PGBD2: variants seen among roughly 807,000 people sequenced by gnomAD.
PGBD2 encodes the protein piggyBac transposable element-derived protein 2.
PGBD2 carries 6 observed loss-of-function variants against 8.1 expected under a neutral mutation model. The observed-to-expected ratio is 0.74, with a 90% CI of 0.40 to 1.46. The LOEUF is 1.46. PGBD2 is among the 40% of genes most tolerant of loss of function. The pLI, the probability that PGBD2 is intolerant of heterozygous loss-of-function variation, is 0.02. For synonymous variants in PGBD2, 318 were observed against 272.2 expected (o/e 1.17, Z -1.66); for missense variants, 802 against 739.0 (o/e 1.09, Z -0.99).
the PGBD2 span, among the ~76,000 whole-genome samples, chr1:248,901,171 CTAATT>C: frequency 1.3e-5 from 2 of 152,080 alleles, no homozygotes; most frequent in Admixed American, 1.3e-4. Context: ...ATTGCCCAAA[CTAATT>C]TATAGATTCA....
chr1:248,903,139 A>C (rs1370182472), upstream of PGBD2, among the ~76,000 whole-genome samples: 3 of 152,090 alleles, frequency 2.0e-5, no homozygotes, highest in East Asian at 5.8e-4. Context: ...CTGGGATTTC[A>C]GACATGAACC....
chr1:248,874,302 C>T, the PGBD2 span, among the ~76,000 whole-genome samples: 49 of 152,276 alleles, frequency 3.2e-4, no homozygotes, highest in African/African-American at 1.0e-3. Context: ...GGCCCGGGTT[C>T]GATTCCCGGT....
At chr1:248,899,648 T>A in the PGBD2 span, among the ~76,000 whole-genome samples, 1 of 151,452 alleles carries the variant, frequency 6.6e-6, no homozygotes, top group East Asian at 1.9e-4. Flanking sequence ...CAGAAAGAGC[T>A]CAAGTCAATA....
At chr1:248,930,097 A>G in the PGBD2 span, among the ~76,000 whole-genome samples, 2 of 152,204 alleles carry the variant, frequency 1.3e-5, no homozygotes, top group East Asian at 1.9e-4. Flanking sequence ...TTACTTTCAC[A>G]TGTTACATTC....
chr1:248,926,954 C>G, the PGBD2 span, among the ~76,000 whole-genome samples: 1 of 152,196 alleles, frequency 6.6e-6, no homozygotes, highest in African/African-American at 2.4e-5. Flanking sequence ...CCCGAGCATA[C>G]TGGACAAATG....
At chr1:248,888,798 C>T in the PGBD2 span, among the ~76,000 whole-genome samples, 1 of 152,184 alleles carries the variant, frequency 6.6e-6, no homozygotes, top group South Asian at 2.1e-4. Context: ...AGCACCTAGT[C>T]ATAAATTATT....
the PGBD2 span, among the ~76,000 whole-genome samples, chr1:248,884,747 A>C: frequency 6.6e-6 from 1 of 152,218 alleles, no homozygotes; most frequent in African/African-American, 2.4e-5. Flanking sequence ...AGATTCTTTA[A>C]TTTCAGTTGA....
At chr1:248,906,947 G>GT (rs1240942320) in intron 1 of PGBD2, among the ~76,000 whole-genome samples, 1 of 152,108 alleles carries the variant, frequency 6.6e-6, no homozygotes, top group South Asian at 2.1e-4. Context: ...ACACCTGTGG[G>GT]ATATCTTGTC....
chr1:248,911,041 C>T (rs972608087), intron 1 of PGBD2, among the ~76,000 whole-genome samples: 7 of 152,016 alleles, frequency 4.6e-5, no homozygotes, highest in Non-Finnish European at 1.0e-4. Flanking sequence ...CCTATTTGCC[C>T]CCCCATCTCG....
At chr1:248,894,614 C>A in the PGBD2 span, among the ~76,000 whole-genome samples, 2 of 152,138 alleles carry the variant, frequency 1.3e-5, no homozygotes, top group Non-Finnish European at 2.9e-5. Context: ...TATTCTTTCA[C>A]TTTAATAAGT....
intron 2 of PGBD2, 104 bp from the exon 3 acceptor site, chr1:248,916,498 C>A: frequency 2.2e-6 from 2 of 899,250 alleles, no homozygotes; most frequent in Non-Finnish European, 3.4e-6. Flanking sequence ...TCTGTGAAGC[C>A]ATTCAAGTGG....
the PGBD2 span, among the ~76,000 whole-genome samples, chr1:248,925,025 T>C: frequency 6.6e-6 from 1 of 152,190 alleles, no homozygotes; most frequent in Non-Finnish European, 1.5e-5. Context: ...TTTTTTTCTT[T>C]TTCAAATGGG....
chr1:248,906,593 G>A (rs1414482865), intron 1 of PGBD2: 1 of 142,730 alleles, frequency 7.0e-6, no homozygotes. Flanking sequence ...GGGGTGGGTG[G>A]GGACCAGGGC....
intron 1 of PGBD2, among the ~76,000 whole-genome samples, chr1:248,910,728 A>T (rs1022308471): frequency 1.2e-4 from 19 of 152,160 alleles, no homozygotes; most frequent in Admixed American, 2.6e-4. Flanking sequence ...TCACAATCAC[A>T]CACTTGGATT....
the PGBD2 span, among the ~76,000 whole-genome samples, chr1:248,928,763 A>G: frequency 6.6e-6 from 1 of 152,232 alleles, no homozygotes; most frequent in South Asian, 2.1e-4. Flanking sequence ...TTTTTTCTCA[A>G]CAAACTTATT....
At position 248,906,307 on chromosome 1, in the gene PGBD2, G is replaced by A. The variant is rs1395063369; in HGVS notation, c.-83G>A. 1 of 152,092 alleles carries A rather than the reference G, an allele frequency of 6.6e-6. No homozygotes were observed. The highest frequency in any genetic ancestry group is 1.5e-5 in the Non-Finnish European group (1 of 68,042). The allele number at this position is 152,092 out of a possible 1,614,324, so 9.4% of individuals were successfully genotyped here. ...CCGATTCGGCGCGGCTCATGGTCCGGTTCGGGCTCGCGAGTCTCCGTCTGG... is the reference window on the plus strand; with the variant it reads ...CCGATTCGGCGCGGCTCATGGTCCGATTCGGGCTCGCGAGTCTCCGTCTGG... On this transcript the variant is annotated 5_prime_UTR_variant, in exon 1 of 3. Transcript: ENST00000329291.
chr1:248,878,724 G>C, the PGBD2 span, among the ~76,000 whole-genome samples: 1 of 152,174 alleles, frequency 6.6e-6, no homozygotes, highest in African/African-American at 2.4e-5. Flanking sequence ...TAATGCTTCT[G>C]TAGTCTTTGA....
chr1:248,914,763 C>G lies in PGBD2; in HGVS notation c.17+884C>G, dbSNP rs575209778. ...TTCCTCACTACCCTGTTCCATGGTT[C>G]ACCCCCACCCCTGGGGCTACGTATG... On this transcript the variant is annotated intron_variant, in intron 2 of 2. Coordinates refer to ENST00000329291, the MANE Select transcript of PGBD2 (RefSeq NM_170725.3). Among the ~76,000 whole-genome samples, 21 of 152,298 alleles carry G rather than the reference C, an allele frequency of 1.4e-4. No homozygotes were observed. In the South Asian group the frequency reaches 4.1e-3, roughly 30 times the overall value.
At chr1:248,912,880 T>A (rs58711479) in intron 1 of PGBD2, 1 of 150,686 alleles carries the variant, frequency 6.6e-6, no homozygotes, top group African/African-American at 2.4e-5. Context: ...CTCGGCTCAC[T>A]GCAACCTCGC....
Sources: gnomAD v4.1 joint callset for allele counts (sites outside exome capture counted in the v4.1 genomes callset) on GRCh38, gnomAD v4.1.1 for gene constraint, MANE v1.5 for transcripts, NCBI Gene and HGNC (gene_info 2026-07-23, HGNC 2026-07-21) for gene names.